The following NETO2 variants were observed in gnomAD, a reference collection of about 807,000 sequenced individuals.
NETO2 encodes the protein neuropilin and tolloid like 2, also known as neuropilin and tolloid-like protein 2.
A neutral mutation model predicts 62.5 loss-of-function variants in NETO2; 28 were observed. That is an observed-to-expected ratio of 0.45 (90% CI 0.33 to 0.61). The LOEUF (loss-of-function observed/expected upper bound fraction) is 0.61. Among genes scored for constraint, NETO2 ranks in the 20% least tolerant of loss-of-function variants. The pLI is 0.02. For synonymous variants in NETO2, 214 were observed against 219.1 expected, an observed-to-expected ratio of 0.98 and a Z score of 0.21; for missense variants, 548 against 643.2, an observed-to-expected ratio of 0.85 and a Z score of 1.60.
At chr16:47,113,387 CTG>C (rs1963842018) in intron 6 of NETO2, among the ~76,000 whole-genome samples, 2 of 152,110 alleles carry the variant, frequency 1.3e-5, no homozygotes, top group African/African-American at 4.8e-5. Flanking sequence ...GTCTTCATCC[CTG>C]GTAAGCAATG....
At chr16:47,119,520 C>T (rs576869050) in intron 6 of NETO2, among the ~76,000 whole-genome samples, 8 of 151,650 alleles carry the variant, frequency 5.3e-5, no homozygotes, top group South Asian at 2.1e-4. Flanking sequence ...TACAAAGAGC[C>T]GATGTCAGGC....
chr16:47,097,716 G>T (rs1479318739), intron 7 of NETO2, among the ~76,000 whole-genome samples: 1 of 152,212 alleles, frequency 6.6e-6, no homozygotes. Flanking sequence ...TGATCCCCAT[G>T]CCTCCTGACT....
intron 1 of NETO2, among the ~76,000 whole-genome samples, chr16:47,141,467 A>AC (rs1964460049): frequency 6.6e-6 from 1 of 151,970 alleles, no homozygotes; most frequent in Non-Finnish European, 1.5e-5. Flanking sequence ...TGGTAAAAAA[A>AC]AAAAACAAAA....
chr16:47,090,044 T>C (rs915819112), intron 7 of NETO2, among the ~76,000 whole-genome samples: 2 of 152,116 alleles, frequency 1.3e-5, no homozygotes, highest in Non-Finnish European at 2.9e-5. Context: ...TGTGGGTCCT[T>C]GACATTCGGA....
chr16:47,121,250 C>T (rs1964033435), intron 6 of NETO2, among the ~76,000 whole-genome samples: 1 of 152,108 alleles, frequency 6.6e-6, no homozygotes, highest in Non-Finnish European at 1.5e-5. Context: ...TGTGTTATGT[C>T]GGTGAACTCG....
chr16:47,125,363 T>C (rs1401259163), intron 4 of NETO2, among the ~76,000 whole-genome samples: 5 of 151,944 alleles, frequency 3.3e-5, no homozygotes, highest in African/African-American at 7.3e-5. Flanking sequence ...TTTTTTTTTT[T>C]CTGACAGATT....
intron 4 of NETO2, 39 bp from the exon 5 acceptor site, chr16:47,122,951 T>G (rs371322299): frequency 6.3e-7 from 1 of 1,580,808 alleles, no homozygotes; most frequent in South Asian, 1.1e-5. Context: ...GGTACTGAGA[T>G]AGTTACTTTA....
At chr16:47,120,992 C>T (rs925937786) in intron 6 of NETO2, among the ~76,000 whole-genome samples, 3 of 152,018 alleles carry the variant, frequency 2.0e-5, no homozygotes, top group East Asian at 1.9e-4. Flanking sequence ...CGTCAACATC[C>T]GGGCATCAGA....
intron 4 of NETO2, among the ~76,000 whole-genome samples, chr16:47,124,018 C>T (rs1964100346): frequency 6.6e-6 from 1 of 152,166 alleles, no homozygotes; most frequent in Admixed American, 6.6e-5. Flanking sequence ...TTTCAATACG[C>T]AATTTAATTG....
At chr16:47,099,122 T>C (rs1169736454) in intron 7 of NETO2, among the ~76,000 whole-genome samples, 1 of 152,180 alleles carries the variant, frequency 6.6e-6, no homozygotes, top group Admixed American at 6.5e-5. Context: ...CCTCCCAAAG[T>C]GCTGGGATTA....
At chr16:47,141,860 G>A (rs1277017465) in intron 1 of NETO2, among the ~76,000 whole-genome samples, 1 of 152,260 alleles carries the variant, frequency 6.6e-6, no homozygotes, top group East Asian at 1.9e-4. Context: ...ACGATGGCCA[G>A]AGAGGGCAGT....
chr16:47,096,227 A>G (rs1963424431), intron 7 of NETO2, among the ~76,000 whole-genome samples: 1 of 152,202 alleles, frequency 6.6e-6, no homozygotes, highest in Non-Finnish European at 1.5e-5. Context: ...ACTTAGATCA[A>G]TAGTTTAACT....
chr16:47,103,367 C>A (rs1401075593), intron 7 of NETO2, among the ~76,000 whole-genome samples: 2 of 152,036 alleles, frequency 1.3e-5, no homozygotes, highest in Admixed American at 6.5e-5. Flanking sequence ...AGCAAACCAG[C>A]ATGGCAGGTG....
rs753695094 is a variant in NETO2 at position 47,083,463 on chromosome 16, T to G, written c.1336A>C (p.Ser446Arg). Reference protein sequence around the residue: ...HDHHCGSQASSVKQSRTNLSS... With the variant: ...HDHHCGSQASRVKQSRTNLSS... ...AGGTTGGTCCTGCTTTGTTTGACGC[T>G]GGAGGCCTGCGACCCACAGTGGTGG... The change falls in exon 9 of 9, where the codon AGC becomes CGC. Residue 446 changes from serine (S) to arginine (R), a missense_variant. Ser to Arg is a moderately radical substitution (Grantham distance 110). Coordinates refer to ENST00000562435, the MANE Select transcript of NETO2 (RefSeq NM_018092.5). 6.2e-7 allele frequency: 1 copy of G among 1,614,112 alleles called. No homozygotes were observed.
intron 7 of NETO2, among the ~76,000 whole-genome samples, chr16:47,101,416 T>C (rs1963540626): frequency 6.6e-6 from 1 of 152,174 alleles, no homozygotes; most frequent in Non-Finnish European, 1.5e-5. Flanking sequence ...TTCAACATAG[T>C]ATTGGAGGTT....
chr16:47,132,098 T>TG, intron 1 of NETO2, 73 bp from the exon 2 acceptor site: 1 of 1,138,040 alleles, frequency 8.8e-7, no homozygotes, highest in Non-Finnish European at 1.3e-6. Context: ...ATAAATAAAA[T>TG]TGGATGACAA....
At chr16:47,107,848 T>C (rs1963706538) in intron 7 of NETO2, among the ~76,000 whole-genome samples, 2 of 152,120 alleles carry the variant, frequency 1.3e-5, no homozygotes, top group Admixed American at 1.3e-4. Context: ...TGATCTTAGC[T>C]CACTGCAGCC....
chr16:47,108,684 T>C (rs1314456837), intron 7 of NETO2, among the ~76,000 whole-genome samples: 1 of 152,148 alleles, frequency 6.6e-6, no homozygotes, highest in African/African-American at 2.4e-5. Context: ...ACTTGACAAC[T>C]AAAAGCAATG....
chr16:47,097,111 C>A (rs775817457), intron 7 of NETO2, among the ~76,000 whole-genome samples: 1 of 152,212 alleles, frequency 6.6e-6, no homozygotes, highest in African/African-American at 2.4e-5. Flanking sequence ...GGGCAGACAC[C>A]GAGCTACCTG....
Sources: gnomAD v4.1 joint callset for allele counts (sites outside exome capture counted in the v4.1 genomes callset) on GRCh38, gnomAD v4.1.1 for gene constraint, MANE v1.5 for transcripts, NCBI Gene and HGNC (gene_info 2026-07-23, HGNC 2026-07-21) for gene names.